Variants in BTBD8 observed in about 807,000 individuals in gnomAD.
BTBD8 encodes the protein BTB domain containing 8.
BTBD8 carries 110 observed loss-of-function variants against 162.9 expected under a neutral mutation model. That is an observed-to-expected ratio of 0.68 (90% confidence interval 0.58 to 0.79). The LOEUF is 0.79. Ranked by LOEUF, BTBD8 falls within the 30% of genes least tolerant of loss-of-function variation. BTBD8 has a pLI of 0.00. For synonymous variants in BTBD8, 667 were observed against 716.1 expected, an observed-to-expected ratio of 0.93 and a Z score of 1.10; for missense variants, 1,905 against 2,085.4, an observed-to-expected ratio of 0.91 and a Z score of 1.68.
At chr1:92,102,030 A>ATTG (rs1648603746) in intron 2 of BTBD8, among the ~76,000 whole-genome samples, 1 of 151,700 alleles carries the variant, frequency 6.6e-6, no homozygotes, top group Non-Finnish European at 1.5e-5. Context: ...TATTATTATT[A>ATTG]TTCTTTTTTG....
intron 5 of BTBD8, among the ~76,000 whole-genome samples, chr1:92,130,765 C>A (rs1649498137): frequency 6.6e-6 from 1 of 152,132 alleles, no homozygotes; most frequent in Admixed American, 6.5e-5. Flanking sequence ...GTGGTGGGAT[C>A]TCAGCTCACT....
intron 4 of BTBD8, among the ~76,000 whole-genome samples, chr1:92,118,962 A>G (rs7533077): frequency 0.63 from 95,545 of 150,880 alleles, 30,918 homozygotes; most frequent in East Asian, 0.97. Flanking sequence ...TATATCTGGT[A>G]TAAAAGACAA....
At chr1:92,148,530 G>T (rs1649978593) in intron 9 of BTBD8, among the ~76,000 whole-genome samples, 1 of 152,174 alleles carries the variant, frequency 6.6e-6, no homozygotes, top group Admixed American at 6.5e-5. Context: ...GCTGGGGGCA[G>T]TATCCTCCAG....
intron 4 of BTBD8, chr1:92,126,548 G>T: frequency 2.0e-6 from 1 of 489,408 alleles, no homozygotes. Context: ...TATTTGCAGT[G>T]CCAAATGGAC....
chr1:92,084,778 G>C (rs1385134980), intron 1 of BTBD8, among the ~76,000 whole-genome samples: 2 of 152,138 alleles, frequency 1.3e-5, no homozygotes. Flanking sequence ...TAGAGGTTCA[G>C]CACACACAAT....
At chr1:92,143,871 G>A (rs1649838617) in intron 7 of BTBD8, among the ~76,000 whole-genome samples, 1 of 149,226 alleles carries the variant, frequency 6.7e-6, no homozygotes, top group African/African-American at 2.5e-5. Context: ...ACAATTTCTG[G>A]TTTTGTTGAC....
intron 9 of BTBD8, among the ~76,000 whole-genome samples, chr1:92,165,556 T>C (rs1178432213): frequency 1.3e-5 from 2 of 151,618 alleles, no homozygotes; most frequent in East Asian, 3.9e-4. Flanking sequence ...GCTGTCCATG[T>C]TAGGTATTTC....
chr1:92,103,388 C>G (rs556079079), intron 3 of BTBD8, among the ~76,000 whole-genome samples: 1 of 152,284 alleles, frequency 6.6e-6, no homozygotes, highest in Admixed American at 6.5e-5. Context: ...GTAGATCATT[C>G]ATATGCATTA....
intron 4 of BTBD8, among the ~76,000 whole-genome samples, chr1:92,117,306 T>C (rs1649069590): frequency 6.6e-6 from 1 of 151,506 alleles, no homozygotes; most frequent in African/African-American, 2.4e-5. Context: ...AATATTATGT[T>C]TTTGAATGTT....
In BTBD8 at chr1:92,177,016, AG is replaced by A; in HGVS notation, c.1825del (p.Glu609LysfsTer7). 1 of 1,548,164 alleles carries A rather than the reference AG, an allele frequency of 6.5e-7. No individual in the cohort carries two copies. The highest frequency in any genetic ancestry group is 8.7e-7 in the Non-Finnish European group (1 of 1,145,822). On this transcript the variant is annotated frameshift_variant, in exon 14 of 18. Transcript: ENST00000636805. LOFTEE classifies it high-confidence loss of function. Reference protein sequence around the residue: ...INKTLKQDDVKEKDGTKIASK... With the variant: ...INKTLKQDDVXEKDGTKIASK... ...AAAACTCTGAAGCAAGATGATGTAA[AG>A]GAAAAAGATGGTACAAAAATAGCAT...
chr1:92,156,591 A>G (rs1650162479), intron 9 of BTBD8, among the ~76,000 whole-genome samples: 1 of 152,060 alleles, frequency 6.6e-6, no homozygotes, highest in Admixed American at 6.6e-5. Flanking sequence ...TTGATGGGAG[A>G]CTTTTTATTA....
Position 92,176,942 on chromosome 1 carries a change from A to G in BTBD8, c.1749A>G (p.Gly583=). 3 of 1,544,310 alleles carry G rather than the reference A, an allele frequency of 1.9e-6. No homozygotes were observed. The highest frequency in any genetic ancestry group is 2.6e-6 in the Non-Finnish European group (3 of 1,142,736). ...CTAATAAAAAGATGAAATCTGATGG[A>G]TTAGGAGCATCTGGACATTCGTCAA... ...LSTNKKMKSD[G]LGASGHSSST... is the part of the protein sequence containing the mutation. The change falls in exon 14 of 18, where the codon GGA becomes GGG. Residue 583 remains glycine (G), a synonymous_variant. Transcript: ENST00000636805.
chr1:92,157,924 AG>A (rs1557459553), intron 9 of BTBD8, among the ~76,000 whole-genome samples: 1 of 152,182 alleles, frequency 6.6e-6, no homozygotes, highest in Non-Finnish European at 1.5e-5. Context: ...AATGTGATGC[AG>A]GGTGCATATA....
At chr1:92,116,499 G>A (rs944078385) in intron 4 of BTBD8, among the ~76,000 whole-genome samples, 2 of 151,714 alleles carry the variant, frequency 1.3e-5, no homozygotes, top group Non-Finnish European at 2.9e-5. Flanking sequence ...CATGTATTTT[G>A]GAGCTCTATT....
At position 92,167,870 on chromosome 1, in the gene BTBD8, C is replaced by G. The variant is rs1248327615; in HGVS notation, c.1328C>G (p.Ala443Gly). Residue 443 changes from alanine (A) to glycine (G), a missense_variant, in exon 11 of 18, where the codon GCC (alanine) becomes GGC (glycine). By Grantham distance (60) the Ala-to-Gly change is moderately conservative. This residue lies in a region of BTBD8 where 1,374 missense variants were observed against 1,442.7 expected (regional missense o/e 0.95). Coordinates refer to ENST00000636805, the MANE Select transcript of BTBD8 (RefSeq NM_001376131.1). ...TAGTCACAAGCAATGAGCAGCACAG[C>G]CGATCTGTTGGACACAATTTTAAAA... is the stretch of plus-strand genomic sequence containing the variant. ...LLQSQAMSSTADLLDTILKAI... is the reference protein window; with the variant it reads ...LLQSQAMSSTGDLLDTILKAI... The G allele has an allele frequency of 6.5e-7, 1 of 1,550,296 alleles. No homozygotes were observed. The highest frequency in any genetic ancestry group is 8.7e-7 in the Non-Finnish European group (1 of 1,146,024).
chr1:92,141,284 T>A, intron 7 of BTBD8, 73 bp downstream of exon 7: 1 of 1,434,482 alleles, frequency 7.0e-7, no homozygotes, highest in Non-Finnish European at 9.3e-7. Flanking sequence ...TTTTTAACTC[T>A]GATAGTAATA....
In BTBD8 at chr1:92,150,011, G is replaced by C. The variant is rs1650009789; in HGVS notation, c.1122+2225G>C. Among the ~76,000 whole-genome samples, 4 of 152,216 alleles carry C rather than the reference G, an allele frequency of 2.6e-5. No individual in the cohort carries two copies. In the South Asian group the frequency reaches 8.3e-4, roughly 32 times the overall value. ...TTCAAACTACACCATCAGATACAAA[G>C]GCTGTTTAAGCAGCCCCTACAGTTG... is the stretch of plus-strand genomic sequence containing the variant. On this transcript the variant is annotated intron_variant, in intron 9 of 17. Transcript: ENST00000636805.
intron 9 of BTBD8, among the ~76,000 whole-genome samples, chr1:92,162,482 G>A (rs904834321): frequency 6.6e-6 from 1 of 152,172 alleles, no homozygotes; most frequent in African/African-American, 2.4e-5. Context: ...AGTCCCAGTT[G>A]CCTACAATAG....
intron 1 of BTBD8, among the ~76,000 whole-genome samples, chr1:92,084,125 T>C (rs992126323): frequency 6.6e-6 from 1 of 152,226 alleles, no homozygotes; most frequent in African/African-American, 2.4e-5. Context: ...GTGCCAATTT[T>C]ATTACGTAAA....
Sources: gnomAD v4.1 joint callset for allele counts (sites outside exome capture counted in the v4.1 genomes callset) on GRCh38, gnomAD v4.1.1 for gene constraint, gnomAD v4.1.1 regional missense constraint, MANE v1.5 for transcripts, NCBI Gene and HGNC (gene_info 2026-07-23, HGNC 2026-07-21) for gene names.